GPBP1L1: variants seen among roughly 807,000 people sequenced by gnomAD.
The protein encoded by GPBP1L1 is GC-rich promoter binding protein 1 like 1.
GPBP1L1 carries 23 observed loss-of-function variants against 52.5 expected under a neutral mutation model. The ratio of observed to expected loss-of-function variants is 0.44; its 90% CI spans 0.32 to 0.62. GPBP1L1 has a LOEUF of 0.62. Ranked by LOEUF, GPBP1L1 falls within the 20% of genes least tolerant of loss-of-function variation. GPBP1L1 has a pLI of 0.06. For synonymous variants in GPBP1L1, 243 were observed against 203.1 expected (o/e 1.20, Z -1.67); for missense variants, 596 against 579.3 (o/e 1.03, Z -0.30).
At chr1:45,651,480 G>T in intron 6 of GPBP1L1, 1 of 459,010 alleles carries the variant, frequency 2.2e-6, no homozygotes, top group Non-Finnish European at 4.0e-6. Flanking sequence ...TCTCAGCCTG[G>T]GCCAATAGCC....
intron 2 of GPBP1L1, among the ~76,000 whole-genome samples, chr1:45,664,543 T>A (rs1165511326): frequency 6.6e-6 from 1 of 152,070 alleles, no homozygotes; most frequent in Admixed American, 6.5e-5. Flanking sequence ...CCAGCTTGGG[T>A]GACAGAGCAA....
intron 2 of GPBP1L1, among the ~76,000 whole-genome samples, chr1:45,683,862 C>T (rs1645243932): frequency 6.6e-6 from 1 of 151,886 alleles, no homozygotes; most frequent in South Asian, 2.1e-4. Context: ...GTGGAGGCTG[C>T]AGTGAGCTGA....
chr1:45,677,284 GAGCTGAGAT>G (rs1293503094), intron 2 of GPBP1L1, among the ~76,000 whole-genome samples: 1 of 150,760 alleles, frequency 6.6e-6, no homozygotes, highest in Non-Finnish European at 1.5e-5. Flanking sequence ...TGCAGTGAGT[GAGCTGAGAT>G]TGCGCCACTG....
chr1:45,681,281 C>T (rs1645209566), intron 2 of GPBP1L1, among the ~76,000 whole-genome samples: 1 of 152,202 alleles, frequency 6.6e-6, no homozygotes, highest in East Asian at 1.9e-4. Context: ...ATTTAGTCTT[C>T]TCAGTCTTCT....
chr1:45,661,558 C>T (rs931999505), intron 2 of GPBP1L1, among the ~76,000 whole-genome samples: 7 of 151,730 alleles, frequency 4.6e-5, no homozygotes, highest in African/African-American at 9.7e-5. Flanking sequence ...CGGGTTCAAG[C>T]GATTCTCCTG....
rs759108422 is a variant in GPBP1L1 at position 45,654,820 on chromosome 1, T to G, written c.200A>C (p.His67Pro). 3.1e-6 allele frequency: 5 copies of G among 1,613,858 alleles called. No homozygotes were observed. The highest frequency in any genetic ancestry group is 2.2e-5 in the East Asian group (1 of 44,870). The change falls in exon 6 of 13, where the codon CAC becomes CCC. Residue 67 changes from histidine to proline, a missense_variant. Coordinates refer to ENST00000355105, the MANE Select transcript of GPBP1L1 (RefSeq NM_021639.5). ...ATCATGGCGGAACAGGGAGGGCTGG[T>G]GCCAAGAATCTAGAATAGTAAAGAA... ...GPLRTAGDSW[H>P]QPSLFRHDSV...
chr1:45,628,585 G>A (rs527318483), intron 12 of GPBP1L1, among the ~76,000 whole-genome samples, 177 bp from the exon 13 acceptor site: 3 of 152,272 alleles, frequency 2.0e-5, no homozygotes, highest in South Asian at 2.1e-4. Context: ...TTTAATTTAC[G>A]AGTCATCTAC....
chr1:45,676,733 A>T (rs1645144190), intron 2 of GPBP1L1, among the ~76,000 whole-genome samples: 1 of 148,998 alleles, frequency 6.7e-6, no homozygotes, highest in Non-Finnish European at 1.5e-5. Flanking sequence ...AAAAAAAAAA[A>T]TTAGGCATGG....
At position 45,633,612 on chromosome 1, in the gene GPBP1L1, G is replaced by C. The variant is rs1239204370; in HGVS notation, c.921C>G (p.Ser307Arg). 1 of 1,613,906 alleles carries C rather than the reference G, an allele frequency of 6.2e-7. No homozygotes were observed. Among genetic ancestry groups the C allele is most frequent in the Non-Finnish European group, 8.5e-7 (1 of 1,179,976 alleles). Residue 307 changes from serine to arginine, a missense_variant, in exon 10 of 13, where the codon AGC becomes AGG. Transcript: ENST00000355105. ...GGGTCAACTTGGTCAGACGAGAGGAGCTGATCTCAATTGGAGGGGTGGTGC... is the reference window on the plus strand; with the variant it reads ...GGGTCAACTTGGTCAGACGAGAGGACCTGATCTCAATTGGAGGGGTGGTGC... ...PSSTTPPIEI[S>R]SSRLTKLTRR...
At position 45,649,623 on chromosome 1, in the gene GPBP1L1, CCAT is replaced by C. The variant is rs562199438; in HGVS notation, c.477+4917_477+4919del. On this transcript the variant is annotated intron_variant, in intron 6 of 12. Transcript: ENST00000355105. ...AGGTGATGGTGCATATTTCTCAGTG[CCAT>C]CATATCAGGAGGTTTAAATCTGTTT... Among the ~76,000 whole-genome samples the C allele has an allele frequency of 2.6e-4, 40 of 152,120 alleles. No homozygotes were observed. In the East Asian group the frequency reaches 7.7e-3, roughly 29 times the overall value.
chr1:45,671,941 G>C (rs919484757), intron 2 of GPBP1L1, among the ~76,000 whole-genome samples: 1 of 152,172 alleles, frequency 6.6e-6, no homozygotes, highest in Admixed American at 6.5e-5. Context: ...CAAAATGGGA[G>C]AACTGACATC....
chr1:45,628,817 C>T (rs1247374542), intron 12 of GPBP1L1, among the ~76,000 whole-genome samples: 1 of 152,162 alleles, frequency 6.6e-6, no homozygotes, highest in Non-Finnish European at 1.5e-5. Flanking sequence ...GCGCACACCA[C>T]CACGCCTAGT....
chr1:45,629,358 T>A (rs1319112044), intron 12 of GPBP1L1, among the ~76,000 whole-genome samples: 1 of 151,964 alleles, frequency 6.6e-6, no homozygotes, highest in African/African-American at 2.4e-5. Flanking sequence ...TTTTTTGGAA[T>A]CTGCTAATCA....
intron 2 of GPBP1L1, among the ~76,000 whole-genome samples, chr1:45,684,396 A>C (rs1047418392): frequency 1.3e-5 from 2 of 152,164 alleles, no homozygotes; most frequent in Non-Finnish European, 2.9e-5. Context: ...CAATCTTCTG[A>C]AGTATGATTC....
chr1:45,674,676 A>T (rs932510902), intron 2 of GPBP1L1, among the ~76,000 whole-genome samples: 1 of 152,230 alleles, frequency 6.6e-6, no homozygotes, highest in Non-Finnish European at 1.5e-5. Flanking sequence ...CATAGCTCCC[A>T]GTCAGTCACA....
chr1:45,629,747 T>C, intron 11 of GPBP1L1, 69 bp from the exon 12 acceptor site: 1 of 1,064,912 alleles, frequency 9.4e-7, no homozygotes, highest in Non-Finnish European at 1.4e-6. Context: ...GCCCACCACT[T>C]TTCACAGAAA....
chr1:45,666,221 C>G (rs1440264934), intron 2 of GPBP1L1, among the ~76,000 whole-genome samples: 1 of 152,084 alleles, frequency 6.6e-6, no homozygotes, highest in Admixed American at 6.5e-5. Flanking sequence ...GCACCCACTG[C>G]AACCTCCATC....
chr1:45,628,662 T>G (rs959292085), intron 12 of GPBP1L1, among the ~76,000 whole-genome samples: 1 of 152,102 alleles, frequency 6.6e-6, no homozygotes, highest in Non-Finnish European at 1.5e-5. Context: ...CCTTATTTCT[T>G]TTTATTTATT....
chr1:45,682,429 G>A lies in GPBP1L1; in HGVS notation c.-1098+3147C>T, dbSNP rs181187863. 6.6e-5 allele frequency among the ~76,000 whole-genome samples: 10 copies of A among 152,276 alleles called. No homozygotes were observed. In the East Asian group the frequency reaches 1.9e-3, roughly 29 times the overall value. On this transcript the variant is annotated intron_variant, in intron 2 of 12. Coordinates refer to ENST00000355105, the MANE Select transcript of GPBP1L1 (RefSeq NM_021639.5). ...CTTTGTTCATTCTGGTGATTCTCTA[G>A]GCTGACCTCTGGTTAACAAAAGGCA...
Sources: allele counts gnomAD v4.1 joint callset (sites outside exome capture counted in the v4.1 genomes callset), GRCh38; gene constraint gnomAD v4.1.1; transcripts MANE v1.5; gene names NCBI Gene and HGNC (gene_info 2026-07-23, HGNC 2026-07-21).